Variants in DPP10 observed in about 807,000 individuals in gnomAD.
DPP10 encodes dipeptidyl peptidase like 10.
DPP10 carries 33 observed loss-of-function variants against 120.9 expected under a neutral mutation model. That is an observed-to-expected ratio of 0.27 (90% CI 0.21 to 0.37). The LOEUF (loss-of-function observed/expected upper bound fraction) is 0.37. DPP10 is among the 10% of genes least tolerant of loss of function. The probability of loss-of-function intolerance (pLI) is 1.00; values close to 1 mark genes in which losing one functional copy is unlikely to be tolerated. For missense variants in DPP10, 816 were observed against 942.8 expected, an observed-to-expected ratio of 0.87 and a Z score of 1.76; for synonymous variants, 337 against 326.1, an observed-to-expected ratio of 1.03 and a Z score of -0.36.
At chr2:114,801,849 T>C (rs1319512028) in intron 1 of DPP10, among the ~76,000 whole-genome samples, 1 of 152,220 alleles carries the variant, frequency 6.6e-6, no homozygotes, top group African/African-American at 2.4e-5. Flanking sequence ...TGGATTCATG[T>C]ACATGAAACT....
intron 1 of DPP10, chr2:114,828,290 A>T (rs979100617): frequency 2.0e-5 from 3 of 152,228 alleles, no homozygotes; most frequent in Non-Finnish European, 4.4e-5. Context: ...AAAAACTTTA[A>T]TGTAAGAAGA....
At chr2:115,815,650 CTA>C (rs1687143975) in intron 20 of DPP10, 23 bp from the exon 21 acceptor site, 3 of 1,589,560 alleles carry the variant, frequency 1.9e-6, no homozygotes, top group Non-Finnish European at 1.7e-6. Context: ...AAAGATATAA[CTA>C]TTGTTTTTCG....
intron 12 of DPP10, among the ~76,000 whole-genome samples, chr2:115,763,639 A>G: frequency 6.6e-6 from 1 of 152,166 alleles, no homozygotes; most frequent in South Asian, 2.1e-4. Context: ...TGTTCGAACT[A>G]CAGATCCAGC....
intron 1 of DPP10, among the ~76,000 whole-genome samples, chr2:114,527,992 G>T (rs555726963): frequency 1.3e-5 from 2 of 152,254 alleles, no homozygotes; most frequent in South Asian, 4.1e-4. Flanking sequence ...CATGACTGTT[G>T]TCTCACACAA....
intron 1 of DPP10, among the ~76,000 whole-genome samples, chr2:115,292,711 A>G (rs747911787): frequency 4.6e-5 from 7 of 152,116 alleles, no homozygotes; most frequent in Non-Finnish European, 1.0e-4. Flanking sequence ...GTTGTTATTG[A>G]TGATGCTATT....
intron 1 of DPP10, among the ~76,000 whole-genome samples, chr2:114,612,815 G>T (rs1693385493): frequency 6.6e-6 from 1 of 152,040 alleles, no homozygotes. Context: ...AATCATATTT[G>T]CTAATTCTTA....
intron 7 of DPP10, among the ~76,000 whole-genome samples, chr2:115,706,702 A>G (rs1289088955): frequency 1.3e-5 from 2 of 151,958 alleles, no homozygotes; most frequent in Admixed American, 6.6e-5. Context: ...TCTAAACAAA[A>G]ACTTAAGAAA....
At chr2:114,885,350 C>A (rs891955474) in intron 1 of DPP10, among the ~76,000 whole-genome samples, 2 of 152,080 alleles carry the variant, frequency 1.3e-5, no homozygotes, top group Non-Finnish European at 2.9e-5. Flanking sequence ...GGGGATAATG[C>A]TAAACCATTT....
At chr2:115,425,622 T>C (rs2070383553) in intron 3 of DPP10, among the ~76,000 whole-genome samples, 1 of 152,194 alleles carries the variant, frequency 6.6e-6, no homozygotes, top group South Asian at 2.1e-4. Flanking sequence ...ACATGTAGTA[T>C]ATGTTGAAAA....
chr2:114,657,730 A>G (rs1697070883), intron 1 of DPP10, among the ~76,000 whole-genome samples: 1 of 152,212 alleles, frequency 6.6e-6, no homozygotes, highest in African/African-American at 2.4e-5. Flanking sequence ...ATACGTGAAA[A>G]AATTGGTTAA....
At chr2:115,718,897 T>C (rs963681052) in intron 7 of DPP10, among the ~76,000 whole-genome samples, 6 of 152,102 alleles carry the variant, frequency 3.9e-5, no homozygotes, top group Non-Finnish European at 7.4e-5. Context: ...AATGACTAGA[T>C]AAAACCATCT....
chr2:115,187,690 T>C (rs1039325961), intron 1 of DPP10, among the ~76,000 whole-genome samples: 3 of 152,024 alleles, frequency 2.0e-5, no homozygotes, highest in African/African-American at 4.8e-5. Flanking sequence ...AAATATAATG[T>C]AGTGGGTGGG....
chr2:114,837,969 T>C (rs901437203), intron 1 of DPP10, among the ~76,000 whole-genome samples: 3 of 152,214 alleles, frequency 2.0e-5, no homozygotes, highest in African/African-American at 7.2e-5. Context: ...AAAATTTCAC[T>C]GGCATAACAA....
intron 5 of DPP10, among the ~76,000 whole-genome samples, chr2:115,600,592 T>C (rs2083261662): frequency 6.6e-6 from 1 of 152,244 alleles, no homozygotes; most frequent in African/African-American, 2.4e-5. Flanking sequence ...TTTGATTGCC[T>C]CTAAAGCGTA....
chr2:114,732,293 G>A (rs1676997036), intron 1 of DPP10, among the ~76,000 whole-genome samples: 1 of 152,192 alleles, frequency 6.6e-6, no homozygotes, highest in South Asian at 2.1e-4. Context: ...TTAGTCATAT[G>A]GAGCATGCAA....
chr2:114,615,673 C>T (rs1028665601), intron 1 of DPP10, among the ~76,000 whole-genome samples: 3 of 152,118 alleles, frequency 2.0e-5, no homozygotes, highest in Non-Finnish European at 4.4e-5. Flanking sequence ...CTTGGGCATA[C>T]GATGCTTCTT....
intron 7 of DPP10, among the ~76,000 whole-genome samples, chr2:115,702,592 G>A (rs1300856074): frequency 6.6e-6 from 1 of 152,072 alleles, no homozygotes; most frequent in Non-Finnish European, 1.5e-5. Flanking sequence ...AGTGAAAGGA[G>A]CCAGTCTTCT....
chr2:114,503,332 G>T (rs1187073666), intron 1 of DPP10, among the ~76,000 whole-genome samples: 1 of 152,140 alleles, frequency 6.6e-6, no homozygotes, highest in African/African-American at 2.4e-5. Context: ...AAAGTGGCTT[G>T]ATTTGGTCTT....
intron 1 of DPP10, among the ~76,000 whole-genome samples, chr2:115,149,290 C>T (rs2051402194): frequency 1.3e-5 from 2 of 152,138 alleles, no homozygotes; most frequent in Non-Finnish European, 2.9e-5. Context: ...CTAATTCTAT[C>T]CATTATTTTT....
Sources: gnomAD v4.1 joint callset for allele counts (sites outside exome capture counted in the v4.1 genomes callset) on GRCh38, gnomAD v4.1.1 for gene constraint, MANE v1.5 for transcripts, NCBI Gene and HGNC (gene_info 2026-07-23, HGNC 2026-07-21) for gene names.